Variants in PSD observed in about 807,000 individuals in gnomAD.
PSD encodes the protein PH and SEC7 domain-containing protein 1.
In PSD, 32 loss-of-function variants were observed where a neutral mutation model predicts 91.6. The observed-to-expected ratio is 0.35, with a 90% CI of 0.26 to 0.47. The LOEUF (loss-of-function observed/expected upper bound fraction) is 0.47, where lower values mean the gene tolerates loss of function less well. PSD is among the 20% of genes least tolerant of loss of function. The pLI, the probability that PSD is intolerant of heterozygous loss-of-function variation, is 1.00. For synonymous variants in PSD, 532 were observed against 569.3 expected (o/e 0.93, Z 0.93); for missense variants, 1,099 against 1,373.9 (o/e 0.80, Z 3.16).
chr10:102,411,669 G>A, intron 8 of PSD, 38 bp downstream of exon 8: 1 of 1,532,904 alleles, frequency 6.5e-7, no homozygotes, highest in Non-Finnish European at 9.0e-7. Context: ...TTGCCACTGT[G>A]GCCAGCTAAG....
At chr10:102,418,852 C>A (rs2061519778), upstream of PSD, 1 of 347,060 alleles carries the variant, frequency 2.9e-6, no homozygotes, top group Non-Finnish European at 5.7e-6. Context: ...CAACGCTAAT[C>A]CCCCCCACCC....
At position 102,409,074 on chromosome 10, in the gene PSD, T is replaced by C; in HGVS notation, c.2091+1784A>G. ...CGCAGCCGCCCGGCGCTGCTGTGGA[T>C]GCTGTTGACGCCGATCATGCTGGCC... On this transcript the variant is annotated intron_variant, in intron 10 of 16. Transcript: ENST00000020673. The surrounding 1 kb of genome is among the most constrained non-coding windows in gnomAD (Gnocchi z 5.7). 1 of 984,960 alleles carries C rather than the reference T, an allele frequency of 1.0e-6. No individual in the cohort carries two copies. The highest frequency in any genetic ancestry group is 1.2e-6 in the Non-Finnish European group (1 of 829,710). 61.0% of individuals were successfully genotyped at this position (984,960 alleles called of 1,614,324 possible).
rs371816245 is a variant in PSD, at chr10:102,405,516, C to T, written c.2156G>A (p.Arg719His). 18 of 1,613,384 alleles carry T rather than the reference C, an allele frequency of 1.1e-5. No individual in the cohort carries two copies. The highest frequency in any genetic ancestry group is 2.2e-5 in the East Asian group (1 of 44,890). ...QWAIDEEELR[R>H]SLSELADPNP... is the part of the protein sequence containing the mutation. ...GGGGTCGGCCAACTCAGACAGAGAG[C>T]GTCTCAGCTCCTCCTCGTCTCTGCA... Residue 719 changes from arginine to histidine, a missense_variant, in exon 12 of 17, where the codon CGC (arginine) becomes CAC (histidine). Transcript: ENST00000020673. This position sits in a 1 kb window ranked among gnomAD's most constrained non-coding sequence, Gnocchi z 5.4.
intron 8 of PSD, 143 bp from the exon 9 acceptor site, chr10:102,411,259 A>C: frequency 7.6e-6 from 3 of 394,012 alleles, no homozygotes; most frequent in South Asian, 4.1e-5. Flanking sequence ...CCTCCCCACA[A>C]AGAGCTCCTC....
At chr10:102,418,383 TCA>T (rs1356914049) in intron 1 of PSD, among the ~76,000 whole-genome samples, 4 of 151,990 alleles carry the variant, frequency 2.6e-5, no homozygotes, top group African/African-American at 9.7e-5. Flanking sequence ...GACCTACTGC[TCA>T]CAGTCACATA....
At chr10:102,417,248 TG>T in intron 1 of PSD, 127 bp from the exon 2 acceptor site, 2 of 548,394 alleles carry the variant, frequency 3.6e-6, no homozygotes, top group Non-Finnish European at 6.4e-6. Context: ...CCTGGTAATA[TG>T]GGATCATTGA....
At position 102,410,989 on chromosome 10, in the gene PSD, G is replaced by T. The variant is rs1159485559; in HGVS notation, c.2002-42C>A. ...AGGCCTGTGAGTTTGGAGGGCCCTT[G>T]GCCTCCCAGGTCCTGCATGTCTGGC... is the stretch of plus-strand genomic sequence containing the variant. On this transcript the variant is annotated intron_variant, in intron 9 of 16. Transcript: ENST00000020673. The surrounding 1 kb of genome is among the most constrained non-coding windows in gnomAD (Gnocchi z 6.0). 21 of 1,612,396 alleles carry T rather than the reference G, an allele frequency of 1.3e-5. No homozygotes were observed. The highest frequency in any genetic ancestry group is 1.8e-5 in the Non-Finnish European group (21 of 1,178,550).
At position 102,402,735 on chromosome 10, in the gene PSD, G is replaced by C. The variant is rs1351698166; in HGVS notation, c.*465C>G. ...CCAGGTATGGGGCCTTGGCATGGAC[G>C]CCCTTCCTCCACCTCCAGCAAGAGA... On this transcript the variant is annotated 3_prime_UTR_variant, in exon 17 of 17. Transcript: ENST00000020673. 1 of 276,776 alleles carries C rather than the reference G, an allele frequency of 3.6e-6. No homozygotes were observed. Among genetic ancestry groups the C allele is most frequent in the Non-Finnish European group, 6.8e-6 (1 of 147,226 alleles). The allele number at this position is 276,776 out of a possible 1,614,324, so 17.1% of individuals were successfully genotyped here.
rs778967157 is a variant in PSD, at chr10:102,404,980, T to A, written c.2473A>T (p.Thr825Ser). 1 of 1,613,964 alleles carries A rather than the reference T, an allele frequency of 6.2e-7. No individual in the cohort carries two copies. Among genetic ancestry groups the A allele is most frequent in the South Asian group, 1.1e-5 (1 of 91,076 alleles). ...NAISIHHALA[T>S]RASDYSKRPH... ...CTCTTGCTGTAGTCACTGGCACGAG[T>A]GGCCAGGGCATGGTGGATGCTGATG... The change falls in exon 14 of 17, where the codon ACT (threonine) becomes TCT (serine). Residue 825 changes from threonine to serine, a missense_variant. Transcript: ENST00000020673. This position sits in a 1 kb window ranked among gnomAD's most constrained non-coding sequence, Gnocchi z 5.7.
In PSD at chr10:102,405,638, G is replaced by T; in HGVS notation, c.2136-102C>A. 1 of 1,118,942 alleles carries T rather than the reference G, an allele frequency of 8.9e-7. No homozygotes were observed. The highest frequency in any genetic ancestry group is 1.3e-6 in the Non-Finnish European group (1 of 799,276). The allele number at this position is 1,118,942 out of a possible 1,614,324, so 69.3% of individuals were successfully genotyped here. A position where few individuals can be genotyped will look rare whatever the true frequency, so the allele number is the denominator to read the frequency against. On this transcript the variant is annotated intron_variant, in intron 11 of 16. Coordinates refer to ENST00000020673, the MANE Select transcript of PSD (RefSeq NM_002779.5). The surrounding 1 kb of genome is among the most constrained non-coding windows in gnomAD (Gnocchi z 5.4). ...TGGAAAAGCTCCCCCAGTGTTTGTG[G>T]CTTGGGGGGCTCAACCTGAGGGTCC...
chr10:102,413,651 A>C, intron 5 of PSD, 118 bp downstream of exon 5: 1 of 1,055,270 alleles, frequency 9.5e-7, no homozygotes, highest in Non-Finnish European at 1.4e-6. Flanking sequence ...TCCCTTAACC[A>C]CCCCTACTCA....
chr10:102,402,894 C>T lies in PSD; in HGVS notation c.*306G>A, dbSNP rs989117014. On this transcript the variant is annotated 3_prime_UTR_variant, in exon 17 of 17. Coordinates refer to ENST00000020673, the MANE Select transcript of PSD (RefSeq NM_002779.5). ...GGGTGGTCTCAGCAGAAAGCAGAAA[C>T]GGCATCAGGCCTCTCCCACACAAAA... is the stretch of plus-strand genomic sequence containing the variant. 17 of 306,834 alleles carry T rather than the reference C, an allele frequency of 5.5e-5. No individual in the cohort carries two copies. Among genetic ancestry groups the T allele is most frequent in the South Asian group, 2.6e-4 (2 of 7,598 alleles). The allele number at this position is 306,834 out of a possible 1,614,324, so 19.0% of individuals were successfully genotyped here.
intron 7 of PSD, 104 bp downstream of exon 7, chr10:102,412,043 G>T: frequency 7.8e-7 from 1 of 1,284,266 alleles, no homozygotes; most frequent in Non-Finnish European, 1.1e-6. Flanking sequence ...GAAGGGTGAT[G>T]TCAGGACGGC....
chr10:102,415,272 C>T (rs2135460283), intron 3 of PSD, 43 bp from the exon 4 acceptor site: 1 of 1,546,088 alleles, frequency 6.5e-7, no homozygotes, highest in Non-Finnish European at 8.7e-7. Context: ...TTATCCACGT[C>T]AGCTCCCTGT....
rs761452977 is a variant in PSD, at chr10:102,416,418, G to A, written c.621C>T (p.Phe207=). The change falls in exon 2 of 17, where the codon TTC becomes TTT. Residue 207 remains phenylalanine, a synonymous_variant. Transcript: ENST00000020673. The surrounding 1 kb of genome is among the most constrained non-coding windows in gnomAD (Gnocchi z 6.0). ...GGPPERLATL[F]GGPADTGFLN... is the part of the protein sequence containing the mutation. ...GGAATCCAGTGTCAGCAGGTCCTCC[G>A]AAGAGTGTGGCCAGGCGCTCAGGGG... The A allele has an allele frequency of 2.0e-5, 32 of 1,608,626 alleles. No individual in the cohort carries two copies. Among genetic ancestry groups the A allele is most frequent in the Admixed American group, 3.4e-5 (2 of 58,898 alleles).
In PSD at chr10:102,416,785, G is replaced by A. The variant is rs777553550; in HGVS notation, c.254C>T (p.Pro85Leu). ...TGGGGGCTGCCCAGTGGGTGAAGAG[G>A]GTGCCCAGGGTGAGGGAGCAACACG... ...SPRVAPSPWA[P>L]SSPTGQPPPG... Residue 85 changes from proline (P) to leucine (L), a missense_variant, in exon 2 of 17, where the codon CCC becomes CTC. Around this residue, in one of 3 missense-constraint regions of PSD, gnomAD observed 631 missense variants for 728.8 expected, o/e 0.87. Coordinates refer to ENST00000020673, the MANE Select transcript of PSD (RefSeq NM_002779.5). This position sits in a 1 kb window ranked among gnomAD's most constrained non-coding sequence, Gnocchi z 6.0. The A allele has an allele frequency of 6.3e-7, 1 of 1,595,422 alleles. No individual in the cohort carries two copies. Among genetic ancestry groups the A allele is most frequent in the Non-Finnish European group, 8.5e-7 (1 of 1,170,306 alleles).
chr10:102,412,509 G>A lies in PSD; in HGVS notation c.1620C>T (p.Ala540=), dbSNP rs754158087. ...TGGACAAGGTGTCTGTGCTTCCCAGGGCCAGCCGCTCTGTGCTGTCCAGCT... is the reference window on the plus strand; with the variant it reads ...TGGACAAGGTGTCTGTGCTTCCCAGAGCCAGCCGCTCTGTGCTGTCCAGCT... ...DSELDSTERL[A]LGSTDTLSNG... The change falls in exon 6 of 17, where the codon GCC becomes GCT. Residue 540 remains alanine, a synonymous_variant. Coordinates refer to ENST00000020673, the MANE Select transcript of PSD (RefSeq NM_002779.5). 2 of 1,613,952 alleles carry A rather than the reference G, an allele frequency of 1.2e-6. No homozygotes were observed. The highest frequency in any genetic ancestry group is 1.7e-6 in the Non-Finnish European group (2 of 1,180,002).
Position 102,414,081 on chromosome 10 carries a change from C to T in PSD, c.1241G>A (p.Arg414Gln), listed in dbSNP as rs145722597. The change falls in exon 5 of 17, where the codon CGG becomes CAG. Residue 414 changes from arginine to glutamine, a missense_variant. Physicochemically the swap from Arg to Gln is conservative, Grantham distance 43 (BLOSUM62 1). Transcript: ENST00000020673. The surrounding 1 kb of genome is among the most constrained non-coding windows in gnomAD (Gnocchi z 5.6). ...GCTGGTATAGGAGGTGCCTTTGGCC[C>T]GGTGTGACTCCAGGATGGCTTCGAA... ...CVFEAILESH[R>Q]AKGTSYTSLA... 7.3e-5 allele frequency: 118 copies of T among 1,613,968 alleles called. No individual in the cohort carries two copies. Among genetic ancestry groups the T allele is most frequent in the African/African-American group, 2.4e-4 (18 of 74,902 alleles).
chr10:102,411,040 C>T lies in PSD; in HGVS notation c.2001+18G>A. The T allele has an allele frequency of 6.2e-7, 1 of 1,612,878 alleles. No individual in the cohort carries two copies. Among genetic ancestry groups the T allele is most frequent in the Non-Finnish European group, 8.5e-7 (1 of 1,179,056 alleles). ...CAGGGGTTTGTTTTCCGGCTCCTGC[C>T]CGCCCGCCTCCACTCACATGGCCGT... On this transcript the variant is annotated intron_variant, in intron 9 of 16. Coordinates refer to ENST00000020673, the MANE Select transcript of PSD (RefSeq NM_002779.5).
Sources: allele counts gnomAD v4.1 joint callset (sites outside exome capture counted in the v4.1 genomes callset), GRCh38; gene constraint gnomAD v4.1.1; regional missense constraint gnomAD v4.1.1; non-coding constraint Gnocchi (gnomAD v3.1); transcripts MANE v1.5; gene names NCBI Gene and HGNC (gene_info 2026-07-23, HGNC 2026-07-21).